Variants in EHD2 observed in about 807,000 individuals in gnomAD.
EHD2 encodes the protein EH domain-containing protein 2.
A neutral mutation model predicts 41.0 loss-of-function variants in EHD2; 27 were observed. The observed-to-expected ratio is 0.66, with a 90% CI of 0.49 to 0.91. The LOEUF (loss-of-function observed/expected upper bound fraction) is 0.91. EHD2 is among the 40% of genes least tolerant of loss of function. The pLI, the probability that EHD2 is intolerant of heterozygous loss-of-function variation, is 0.00. For missense variants in EHD2, 673 were observed against 773.9 expected (o/e 0.87, Z 1.55); for synonymous variants, 342 against 341.0 (o/e 1.00, Z -0.03).
chr19:47,724,605 A>C (rs1973730114), intron 3 of EHD2, among the ~76,000 whole-genome samples: 1 of 152,158 alleles, frequency 6.6e-6, no homozygotes, highest in Non-Finnish European at 1.5e-5. Flanking sequence ...GAGGAAATGA[A>C]TGGTGAAAGG....
chr19:47,728,746 T>C (rs1973778781), intron 4 of EHD2, among the ~76,000 whole-genome samples: 1 of 152,012 alleles, frequency 6.6e-6, no homozygotes, highest in African/African-American at 2.4e-5. Flanking sequence ...TTTTTTGTAT[T>C]TTTAGTGGAG....
intron 3 of EHD2, among the ~76,000 whole-genome samples, chr19:47,721,021 T>C (rs1205525910): frequency 6.6e-6 from 1 of 152,102 alleles, no homozygotes; most frequent in African/African-American, 2.4e-5. Context: ...TCTCTGTGTC[T>C]ATGCCGTGTG....
In EHD2 at chr19:47,716,889, AC is replaced by A; in HGVS notation, c.279del (p.Thr94ProfsTer72). Reference protein sequence around the residue: ...VPGSRVGPEPTTDCFVAVMHG... With the variant: ...VPGSRVGPEPXTDCFVAVMHG... ...CGGCTCCCGCGTGGGGCCTGAGCCCACCACCGACTGCTTTGTGGCCGTCATG... is the reference window on the plus strand; with the variant it reads ...CGGCTCCCGCGTGGGGCCTGAGCCCACACCGACTGCTTTGTGGCCGTCATG... On this transcript the variant is annotated frameshift_variant, in exon 2 of 6. Transcript: ENST00000263277. LOFTEE classifies it high-confidence loss of function. 2 of 1,612,708 alleles carry A rather than the reference AC, an allele frequency of 1.2e-6. No individual in the cohort carries two copies. The highest frequency in any genetic ancestry group is 1.7e-6 in the Non-Finnish European group (2 of 1,179,834).
intron 4 of EHD2, among the ~76,000 whole-genome samples, chr19:47,735,475 G>A (rs1211299501): frequency 6.6e-6 from 1 of 152,164 alleles, no homozygotes; most frequent in East Asian, 1.9e-4. Context: ...GCTCTTGCCT[G>A]TAATCCCAGC....
At chr19:47,730,039 C>T (rs1028919034) in intron 4 of EHD2, among the ~76,000 whole-genome samples, 3 of 152,034 alleles carry the variant, frequency 2.0e-5, no homozygotes, top group Admixed American at 1.3e-4. Context: ...GGTCCCTTGG[C>T]GGGAGCTGGA....
At chr19:47,725,200 A>G (rs1973737556) in intron 3 of EHD2, among the ~76,000 whole-genome samples, 1 of 151,420 alleles carries the variant, frequency 6.6e-6, no homozygotes, top group African/African-American at 2.4e-5. Flanking sequence ...AACAACCTAT[A>G]TGTACATACC....
At chr19:47,734,046 G>T (rs1033120119) in intron 4 of EHD2, among the ~76,000 whole-genome samples, 1 of 152,200 alleles carries the variant, frequency 6.6e-6, no homozygotes, top group South Asian at 2.1e-4. Flanking sequence ...GGCCACTGCT[G>T]CATGGAGCAA....
At position 47,718,462 on chromosome 19, in the gene EHD2, T is replaced by A; in HGVS notation, c.405-47T>A. ...CTTCATGTTTTCTTCGTGTTTTCCC[T>A]CCTTCTGTCCTTCCCTGTTGACCCC... On this transcript the variant is annotated intron_variant, in intron 2 of 5. Coordinates refer to ENST00000263277, the MANE Select transcript of EHD2 (RefSeq NM_014601.4). 2.0e-6 allele frequency: 3 copies of A among 1,496,044 alleles called. No homozygotes were observed. The South Asian group carries it at 3.6e-5, about 18-fold the overall frequency. The allele number at this position is 1,496,044 out of a possible 1,614,324, so 92.7% of individuals were successfully genotyped here. A position where few individuals can be genotyped will look rare whatever the true frequency, so the allele number is the denominator to read the frequency against.
chr19:47,714,879 CA>C (rs904064305), intron 1 of EHD2, among the ~76,000 whole-genome samples: 33 of 150,274 alleles, frequency 2.2e-4, no homozygotes, highest in African/African-American at 6.3e-4. Context: ...ACTAAAAATA[CA>C]AAAAAAAATT....
intron 4 of EHD2, among the ~76,000 whole-genome samples, chr19:47,729,960 C>G (rs74403301): frequency 6.6e-6 from 1 of 152,112 alleles, no homozygotes; most frequent in South Asian, 2.1e-4. Flanking sequence ...ATCTCTCCCC[C>G]GCTCCGCCGC....
chr19:47,724,500 T>C (rs1973729275), intron 3 of EHD2, among the ~76,000 whole-genome samples: 2 of 151,974 alleles, frequency 1.3e-5, no homozygotes, highest in Admixed American at 1.3e-4. Context: ...AGTCAGGGGG[T>C]CTCAATCGCT....
At chr19:47,718,469 G>C (rs755254027) in intron 2 of EHD2, 40 bp from the exon 3 acceptor site, 3 of 1,520,002 alleles carry the variant, frequency 2.0e-6, no homozygotes, top group East Asian at 4.9e-5. Flanking sequence ...CCCTCCTTCT[G>C]TCCTTCCCTG....
At chr19:47,725,777 C>A in intron 3 of EHD2, 35 bp from the exon 4 acceptor site, 1 of 1,546,356 alleles carries the variant, frequency 6.5e-7, no homozygotes, top group African/African-American at 1.4e-5. Context: ...CTGATTTCTG[C>A]CCCTTGCGCC....
At chr19:47,731,279 A>AAAT in intron 4 of EHD2, 2 of 60,932 alleles carry the variant, frequency 3.3e-5, no homozygotes, top group African/African-American at 9.8e-5. Flanking sequence ...AAAAAAAAAA[A>AAAT]ATATATATAT....
chr19:47,714,443 A>C (rs1973604605), intron 1 of EHD2, among the ~76,000 whole-genome samples: 1 of 152,172 alleles, frequency 6.6e-6, no homozygotes, highest in Non-Finnish European at 1.5e-5. Context: ...TTTTTAAAAA[A>C]AGCAAATACC....
chr19:47,716,783 C>G lies in EHD2; in HGVS notation c.171C>G (p.Gly57=). The G allele has an allele frequency of 6.2e-7, 1 of 1,611,886 alleles. No homozygotes were observed. Among genetic ancestry groups the G allele is most frequent in the Non-Finnish European group, 8.5e-7 (1 of 1,178,956 alleles). ...CCCTGGAGGACGCAGACTTCGACGG[C>G]AAGCCCATGGTGCTGGTGGCCGGCC... is the stretch of plus-strand genomic sequence containing the variant. The part of the protein sequence containing the change: ...SPALEDADFD[G]KPMVLVAGQY... Residue 57 remains glycine (G), a synonymous_variant, in exon 2 of 6, where the codon GGC becomes GGG. Coordinates refer to ENST00000263277, the MANE Select transcript of EHD2 (RefSeq NM_014601.4).
intron 1 of EHD2, among the ~76,000 whole-genome samples, chr19:47,715,035 C>T (rs1345978461): frequency 9.0e-6 from 1 of 110,754 alleles, no homozygotes; most frequent in Admixed American, 1.1e-4. Context: ...GAGACTCCAT[C>T]TCCAAATAAA....
Position 47,733,236 on chromosome 19 carries a change from GCTC to G in EHD2, c.916-3130_916-3128del, listed in dbSNP as rs1426583647. The G allele has an allele frequency of 4.7e-5, 7 of 150,508 alleles. 1 individual carries two copies. Among genetic ancestry groups the G allele is most frequent in the African/African-American group, 1.5e-4 (6 of 41,262 alleles). The allele number at this position is 150,508 out of a possible 1,614,324, so 9.3% of individuals were successfully genotyped here. Reference sequence around the variant, plus strand: ...CAGACAAGTTTCCAGCCCTTCTGGGGCTCCTTTTTTTTTTTTTGAGACAGTGTC... The same window carrying G: ...CAGACAAGTTTCCAGCCCTTCTGGGGCTTTTTTTTTTTTTGAGACAGTGTC... On this transcript the variant is annotated intron_variant, in intron 4 of 5. Coordinates refer to ENST00000263277, the MANE Select transcript of EHD2 (RefSeq NM_014601.4).
chr19:47,740,441 A>AC (rs571854882), intron 5 of EHD2, among the ~76,000 whole-genome samples: 1,790 of 151,796 alleles, frequency 0.012, 31 homozygotes, highest in Admixed American at 0.044. Context: ...CCTGTCAAAA[A>AC]AAAACAAAAC....
Sources: allele counts gnomAD v4.1 joint callset (sites outside exome capture counted in the v4.1 genomes callset), GRCh38; gene constraint gnomAD v4.1.1; transcripts MANE v1.5; gene names NCBI Gene and HGNC (gene_info 2026-07-23, HGNC 2026-07-21).